The following UACA variants were observed in gnomAD, a reference collection of about 807,000 sequenced individuals.
UACA encodes nuclear membrane binding protein.
Under a neutral mutation model 160.5 loss-of-function variants are expected in UACA, and 112 were observed. That is an observed-to-expected ratio of 0.70 (90% confidence interval 0.60 to 0.82). UACA has a LOEUF of 0.82. Among genes scored for constraint, UACA ranks in the 40% least tolerant of loss-of-function variants. The pLI, the probability that UACA is intolerant of heterozygous loss-of-function variation, is 0.00. For missense variants in UACA, 1,574 were observed against 1,614.6 expected (o/e 0.97, Z 0.43); for synonymous variants, 557 against 568.4 (o/e 0.98, Z 0.29).
chr15:70,704,591 T>G (rs74021843), intron 1 of UACA, among the ~76,000 whole-genome samples: 2,391 of 152,296 alleles, frequency 0.016, 57 homozygotes, highest in African/African-American at 0.053. Context: ...TTATTTATAC[T>G]TTCTAGGCAC....
intron 1 of UACA, among the ~76,000 whole-genome samples, chr15:70,712,406 T>C (rs1258367596): frequency 6.6e-6 from 1 of 152,130 alleles, no homozygotes; most frequent in Non-Finnish European, 1.5e-5. Flanking sequence ...TCCTAAATGG[T>C]TTGTTCTCGT....
At chr15:70,674,114 G>A (rs565787893) in intron 13 of UACA, among the ~76,000 whole-genome samples, 59 of 152,188 alleles carry the variant, frequency 3.9e-4, no homozygotes, top group African/African-American at 1.3e-3. Context: ...CAATTGCCTC[G>A]GCCTTCCAAA....
intron 1 of UACA, among the ~76,000 whole-genome samples, chr15:70,726,628 A>G (rs16954738): frequency 0.048 from 7,357 of 152,256 alleles, 638 homozygotes; most frequent in African/African-American, 0.17. Flanking sequence ...AACACTCAGA[A>G]TACTAATGAA....
upstream of UACA, chr15:70,763,699 G>A (rs1019558795): frequency 4.6e-5 from 18 of 389,686 alleles, no homozygotes; most frequent in African/African-American, 2.5e-4. Context: ...CTCCCAGCTG[G>A]AGGAAAAGTT....
chr15:70,753,964 C>T (rs1188234629), intron 1 of UACA: 1 of 368,352 alleles, frequency 2.7e-6, no homozygotes, highest in East Asian at 7.8e-5. Flanking sequence ...CACCACCATG[C>T]CTGGCTAATT....
the UACA span, among the ~76,000 whole-genome samples, chr15:70,769,336 CTCAAAAA>C: frequency 3.3e-5 from 2 of 59,910 alleles, no homozygotes; most frequent in Non-Finnish European, 6.3e-5. Flanking sequence ...GAGACTCCGA[CTCAAAAA>C]AAAAAAAAAA....
chr15:70,736,513 T>C (rs1379938064), intron 1 of UACA, among the ~76,000 whole-genome samples: 1 of 152,092 alleles, frequency 6.6e-6, no homozygotes, highest in Non-Finnish European at 1.5e-5. Flanking sequence ...TGGCTCACTC[T>C]AACCTGCACC....
In UACA at chr15:70,669,311, T is replaced by C. The variant is rs1001451916; in HGVS notation, c.1373A>G (p.Gln458Arg). 67 of 1,614,032 alleles carry C rather than the reference T, an allele frequency of 4.2e-5. No homozygotes were observed. The highest frequency in any genetic ancestry group is 5.5e-5 in the Non-Finnish European group (65 of 1,180,000). Residue 458 changes from glutamine to arginine, a missense_variant, in exon 16 of 19, where the codon CAA becomes CGA. Gln to Arg is a conservative substitution (Grantham distance 43, BLOSUM62 1). Transcript: ENST00000322954. ...TTCATTTTGGAGCTTCAGTCGGTCT[T>C]GTTTTGCTGACTCACAGAAAGTTCG... is the stretch of plus-strand genomic sequence containing the variant. ...AMRTFCESAKQDRLKLQNELA... is the reference protein window; with the variant it reads ...AMRTFCESAKRDRLKLQNELA...
At chr15:70,670,375 C>A (rs544428236) in intron 15 of UACA, among the ~76,000 whole-genome samples, 1 of 152,216 alleles carries the variant, frequency 6.6e-6, no homozygotes, top group East Asian at 1.9e-4. Flanking sequence ...AAATGCAAAC[C>A]CCAAAACCAA....
At chr15:70,688,060 A>T (rs1897793741) in intron 5 of UACA, among the ~76,000 whole-genome samples, 1 of 152,206 alleles carries the variant, frequency 6.6e-6, no homozygotes, top group Non-Finnish European at 1.5e-5. Flanking sequence ...GAAGACAAGA[A>T]CACACTACTA....
intron 3 of UACA, 42 bp from the exon 4 acceptor site, chr15:70,691,405 A>G: frequency 7.0e-7 from 1 of 1,428,350 alleles, no homozygotes; most frequent in East Asian, 2.3e-5. Context: ...TATTTTCTTC[A>G]TATGTAAATT....
intron 13 of UACA, 95 bp downstream of exon 13, chr15:70,676,398 T>TA (rs1341669869): frequency 1.0e-6 from 1 of 978,652 alleles, no homozygotes; most frequent in African/African-American, 1.6e-5. Flanking sequence ...GGTCACACTA[T>TA]AAATAAGAGA....
At chr15:70,744,655 G>C (rs547092687) in intron 1 of UACA, among the ~76,000 whole-genome samples, 1 of 152,268 alleles carries the variant, frequency 6.6e-6, no homozygotes, top group African/African-American at 2.4e-5. Flanking sequence ...AGAAGAAAAT[G>C]GGAGCAGGTA....
chr15:70,767,738 C>T (rs1435546718), upstream of UACA, among the ~76,000 whole-genome samples: 1 of 152,124 alleles, frequency 6.6e-6, no homozygotes, highest in Non-Finnish European at 1.5e-5. Flanking sequence ...CTTGCTGCTC[C>T]GAGTAGCCCT....
chr15:70,703,375 A>T lies in UACA; in HGVS notation c.79-3715T>A, dbSNP rs765213902. ...GTTAAAAATTCTGCTATGTACTTCC[A>T]CAAGAAATCTGTTTCCTACTAAATT... On this transcript the variant is annotated intron_variant, in intron 1 of 18. Transcript: ENST00000322954. The T allele has an allele frequency of 4.6e-4, 403 of 878,178 alleles. 1 individual carries two copies. The highest frequency in any genetic ancestry group is 8.9e-4 in the Admixed American group (25 of 28,000). 54.4% of individuals were successfully genotyped at this position (878,178 alleles called of 1,614,324 possible). A position where few individuals can be genotyped will look rare whatever the true frequency, so the allele number is the denominator to read the frequency against.
Position 70,666,808 on chromosome 15 carries a change from TC to T in UACA, c.3875del (p.Arg1292HisfsTer6). The T allele has an allele frequency of 1.2e-6, 2 of 1,613,760 alleles. No homozygotes were observed. The highest frequency in any genetic ancestry group is 1.7e-6 in the Non-Finnish European group (2 of 1,179,916). The stretch of plus-strand genomic sequence containing the variant: ...TGATTGTTGTTAAGGACTTATCACA[TC>T]GTTCCTTCTGATCCTTAATTTCTTG... ...IEQEIKDQKE[R>X]CDKSLTTITE... On this transcript the variant is annotated frameshift_variant, in exon 16 of 19. Coordinates refer to ENST00000322954, the MANE Select transcript of UACA (RefSeq NM_018003.4). LOFTEE classifies it high-confidence loss of function.
Position 70,668,685 on chromosome 15 carries a change from A to G in UACA, c.1999T>C (p.Leu667=), listed in dbSNP as rs1226330202. Residue 667 remains leucine, a synonymous_variant, in exon 16 of 19, where the codon TTA becomes CTA. Transcript: ENST00000322954. ...TTAACATTCTCAAGTTCTCTCTTTA[A>G]CTGTCTAATTTCACTAAGTGATTTT... The part of the protein sequence containing the change: ...HEKSLSEIRQ[L]KRELENVKAK... 6.2e-7 allele frequency: 1 copy of G among 1,613,944 alleles called. No individual in the cohort carries two copies. Among genetic ancestry groups the G allele is most frequent in the South Asian group, 1.1e-5 (1 of 91,062 alleles).
At chr15:70,663,405 T>C (rs1896789090) in intron 17 of UACA, among the ~76,000 whole-genome samples, 2 of 152,162 alleles carry the variant, frequency 1.3e-5, no homozygotes, top group South Asian at 2.1e-4. Flanking sequence ...TTTTACACTG[T>C]TGGTGGGACT....
At chr15:70,696,099 T>C (rs1898118099) in intron 2 of UACA, among the ~76,000 whole-genome samples, 1 of 152,148 alleles carries the variant, frequency 6.6e-6, no homozygotes, top group Non-Finnish European at 1.5e-5. Flanking sequence ...AATGTGAAAG[T>C]GCTCAGCAGG....
Sources: allele counts gnomAD v4.1 joint callset (sites outside exome capture counted in the v4.1 genomes callset), GRCh38; gene constraint gnomAD v4.1.1; transcripts MANE v1.5; gene names NCBI Gene and HGNC (gene_info 2026-07-23, HGNC 2026-07-21).